Variants in BAZ2B observed in about 807,000 individuals in gnomAD.
BAZ2B encodes bromodomain adjacent to zinc finger domain 2B.
A neutral mutation model predicts 246.0 loss-of-function variants in BAZ2B; 91 were observed. The ratio of observed to expected loss-of-function variants is 0.37; its 90% confidence interval spans 0.31 to 0.44. BAZ2B has a LOEUF of 0.44. Ranked by LOEUF, BAZ2B falls within the 20% of genes least tolerant of loss-of-function variation. BAZ2B has a pLI of 1.00. For synonymous variants in BAZ2B, 855 were observed against 860.0 expected (o/e 0.99, Z 0.10); for missense variants, 2,332 against 2,533.7 (o/e 0.92, Z 1.71).
intron 17 of BAZ2B, 57 bp downstream of exon 17, chr2:159,400,542 C>G: frequency 9.2e-7 from 1 of 1,082,426 alleles, no homozygotes; most frequent in South Asian, 1.4e-5. Context: ...TTTATTTTTG[C>G]AGACTTAAAA....
chr2:159,555,522 A>G (rs1391912587), intron 2 of BAZ2B: 1 of 152,202 alleles, frequency 6.6e-6, no homozygotes, highest in African/African-American at 2.4e-5. Flanking sequence ...TAAAAACTCA[A>G]AAAAGATGAC....
intron 22 of BAZ2B, among the ~76,000 whole-genome samples, chr2:159,386,087 G>A (rs550691640): frequency 2.8e-4 from 42 of 152,132 alleles, no homozygotes; most frequent in African/African-American, 1.0e-3. Context: ...GATGAATATC[G>A]CTTAAGGATT....
chr2:159,703,320 C>T, the BAZ2B span, among the ~76,000 whole-genome samples: 27 of 151,898 alleles, frequency 1.8e-4, no homozygotes, highest in African/African-American at 6.3e-4. Flanking sequence ...TCTTGAACTC[C>T]TGACCTCAGG....
intron 25 of BAZ2B, among the ~76,000 whole-genome samples, chr2:159,381,965 GT>G (rs913058893): frequency 1.5e-4 from 23 of 152,122 alleles, no homozygotes; most frequent in Non-Finnish European, 2.9e-4. Flanking sequence ...CTTTGTGGGA[GT>G]TTATTACTCA....
At chr2:159,367,072 C>T (rs571675284) in intron 27 of BAZ2B, among the ~76,000 whole-genome samples, 3 of 152,220 alleles carry the variant, frequency 2.0e-5, no homozygotes, top group Admixed American at 2.0e-4. Flanking sequence ...TTCTCAAAGT[C>T]CTTGGTTTGT....
intron 3 of BAZ2B, among the ~76,000 whole-genome samples, chr2:159,456,871 G>T (rs2075837263): frequency 6.6e-6 from 1 of 152,130 alleles, no homozygotes; most frequent in Admixed American, 6.5e-5. Context: ...CCACGTGAAA[G>T]ACTTCCTGTT....
intron 18 of BAZ2B, among the ~76,000 whole-genome samples, chr2:159,397,967 G>T (rs1257908088): frequency 6.6e-6 from 1 of 152,130 alleles, no homozygotes; most frequent in East Asian, 1.9e-4. Flanking sequence ...AGGGGATGGG[G>T]CTTAAGGCAA....
intron 1 of BAZ2B, among the ~76,000 whole-genome samples, chr2:159,565,320 G>T (rs1315729764): frequency 6.6e-6 from 1 of 152,226 alleles, no homozygotes; most frequent in Non-Finnish European, 1.5e-5. Context: ...GCTCTGAAGG[G>T]TGGTAAAGAA....
chr2:159,626,845 T>G, the BAZ2B span, among the ~76,000 whole-genome samples: 1 of 151,820 alleles, frequency 6.6e-6, no homozygotes, highest in Non-Finnish European at 1.5e-5. Flanking sequence ...GATAGAGACA[T>G]GAAAAACCCT....
chr2:159,519,199 T>C (rs1349464798), intron 2 of BAZ2B, among the ~76,000 whole-genome samples: 1 of 136,436 alleles, frequency 7.3e-6, no homozygotes, highest in Non-Finnish European at 1.6e-5. Context: ...TCCAACTTCA[T>C]ATTCTATTTT....
intron 2 of BAZ2B, among the ~76,000 whole-genome samples, chr2:159,496,790 A>C (rs990361702): frequency 3.4e-5 from 5 of 148,606 alleles, no homozygotes; most frequent in Non-Finnish European, 6.0e-5. Flanking sequence ...TCTCAAAAAA[A>C]AAAAAAAAAA....
At chr2:159,579,015 A>G (rs1157533374) in intron 1 of BAZ2B, among the ~76,000 whole-genome samples, 1 of 152,214 alleles carries the variant, frequency 6.6e-6, no homozygotes, top group African/African-American at 2.4e-5. Context: ...TAAAAGAACT[A>G]CATAAGCAAC....
intron 13 of BAZ2B, among the ~76,000 whole-genome samples, chr2:159,423,045 G>C (rs2069065274): frequency 6.6e-6 from 1 of 152,086 alleles, no homozygotes; most frequent in Non-Finnish European, 1.5e-5. Context: ...GCCGGGTGTG[G>C]TGGCTCACAC....
At chr2:159,338,022 A>G (rs2065955422) in intron 31 of BAZ2B, among the ~76,000 whole-genome samples, 1 of 152,226 alleles carries the variant, frequency 6.6e-6, no homozygotes, top group Admixed American at 6.5e-5. Context: ...ACAATCAGCA[A>G]AATATTTTGA....
At chr2:159,413,247 C>T (rs984800891) in intron 13 of BAZ2B, among the ~76,000 whole-genome samples, 11 of 152,122 alleles carry the variant, frequency 7.2e-5, no homozygotes, top group African/African-American at 2.4e-4. Flanking sequence ...TTAAACTATA[C>T]GGCAAAATCC....
At chr2:159,642,927 A>T in the BAZ2B span, among the ~76,000 whole-genome samples, 6 of 152,134 alleles carry the variant, frequency 3.9e-5, no homozygotes, top group Middle Eastern at 6.3e-3. Flanking sequence ...TTTTTGCTGT[A>T]TCACTTTCCT....
At chr2:159,467,322 G>A (rs2077192976) in intron 3 of BAZ2B, among the ~76,000 whole-genome samples, 1 of 152,108 alleles carries the variant, frequency 6.6e-6, no homozygotes. Flanking sequence ...AAAGCTTTTG[G>A]AAAAGGCTCA....
At chr2:159,404,795 A>G in intron 16 of BAZ2B, 54 bp downstream of exon 16, 1 of 1,448,604 alleles carries the variant, frequency 6.9e-7, no homozygotes, top group Non-Finnish European at 9.6e-7. Context: ...ATTACTAACA[A>G]ATCCTCAAAA....
intron 13 of BAZ2B, among the ~76,000 whole-genome samples, chr2:159,422,613 A>G (rs2068966561): frequency 6.6e-6 from 1 of 152,208 alleles, no homozygotes; most frequent in Non-Finnish European, 1.5e-5. Context: ...TTAAAGACTT[A>G]AATTCCTAGG....
Sources: gnomAD v4.1 joint callset for allele counts (sites outside exome capture counted in the v4.1 genomes callset) on GRCh38, gnomAD v4.1.1 for gene constraint, MANE v1.5 for transcripts, NCBI Gene and HGNC (gene_info 2026-07-23, HGNC 2026-07-21) for gene names.